Variants in PHLDB2 observed in about 807,000 individuals in gnomAD.
PHLDB2 encodes pleckstrin homology-like domain family B member 2.
Under a neutral mutation model 123.6 loss-of-function variants are expected in PHLDB2, and 71 were observed. The observed-to-expected ratio is 0.57, with a 90% CI of 0.47 to 0.70. PHLDB2 has a LOEUF of 0.70. PHLDB2 is among the 30% of genes least tolerant of loss of function. The pLI is 0.00. For synonymous variants in PHLDB2, 547 were observed against 541.6 expected (o/e 1.01, Z -0.14); for missense variants, 1,446 against 1,519.5 (o/e 0.95, Z 0.80).
At chr3:111,861,651 A>G (rs1218213539) in intron 1 of PHLDB2, among the ~76,000 whole-genome samples, 2 of 152,126 alleles carry the variant, frequency 1.3e-5, no homozygotes, top group African/African-American at 2.4e-5. Context: ...TCCCTGTTTG[A>G]AAAGGGGAGG....
At chr3:111,896,570 G>A (rs1269953661) in intron 2 of PHLDB2, among the ~76,000 whole-genome samples, 1 of 151,970 alleles carries the variant, frequency 6.6e-6, no homozygotes, top group East Asian at 1.9e-4. Context: ...AGGCTGGTCT[G>A]GAACTCCTGA....
chr3:111,922,123 T>A (rs1373645420), intron 5 of PHLDB2, among the ~76,000 whole-genome samples: 1 of 152,246 alleles, frequency 6.6e-6, no homozygotes, highest in Non-Finnish European at 1.5e-5. Flanking sequence ...TAGAGTAGTT[T>A]TATTGCTATG....
intron 14 of PHLDB2, 113 bp from the exon 15 acceptor site, chr3:111,967,565 C>A: frequency 8.9e-7 from 1 of 1,117,720 alleles, no homozygotes; most frequent in Non-Finnish European, 1.2e-6. Flanking sequence ...TTATAAGAGA[C>A]TAGTCTACAA....
At chr3:111,814,751 G>C (rs1223252518) in intron 1 of PHLDB2, among the ~76,000 whole-genome samples, 3 of 152,000 alleles carry the variant, frequency 2.0e-5, no homozygotes, top group Admixed American at 1.3e-4. Flanking sequence ...AAGCAAAATG[G>C]GGAGCTTACA....
chr3:111,781,020 T>A (rs1407043656), intron 1 of PHLDB2, among the ~76,000 whole-genome samples: 1 of 152,084 alleles, frequency 6.6e-6, no homozygotes, highest in Non-Finnish European at 1.5e-5. Flanking sequence ...TCATCCATTA[T>A]GTTTGTGTAG....
intron 1 of PHLDB2, among the ~76,000 whole-genome samples, chr3:111,742,314 T>C (rs2059616538): frequency 6.6e-6 from 1 of 152,118 alleles, no homozygotes; most frequent in Non-Finnish European, 1.5e-5. Context: ...TTTATATATA[T>C]ATATTTTTTA....
intron 5 of PHLDB2, among the ~76,000 whole-genome samples, chr3:111,922,546 G>A (rs4234408): frequency 0.49 from 75,174 of 151,942 alleles, 19,174 homozygotes; most frequent in Non-Finnish European, 0.54. Context: ...TTAGAAGGTA[G>A]GATTATTCTC....
chr3:111,944,010 C>T (rs146926633), intron 8 of PHLDB2, among the ~76,000 whole-genome samples: 1 of 152,014 alleles, frequency 6.6e-6, no homozygotes, highest in East Asian at 1.9e-4. Flanking sequence ...CATGGATAAG[C>T]AAATTGTTAG....
At chr3:111,790,323 G>A (rs964081125) in intron 1 of PHLDB2, among the ~76,000 whole-genome samples, 2 of 152,140 alleles carry the variant, frequency 1.3e-5, no homozygotes, top group Non-Finnish European at 2.9e-5. Flanking sequence ...GAAGTTCATT[G>A]TGTCTCCTTT....
Position 111,975,956 on chromosome 3 carries a change from A to G in PHLDB2, c.*1393A>G, listed in dbSNP as rs1014827193. The G allele has an allele frequency of 2.0e-5, 3 of 152,694 alleles. No individual in the cohort carries two copies. The highest frequency in any genetic ancestry group is 1.5e-5 in the Non-Finnish European group (1 of 68,038). The allele number at this position is 152,694 out of a possible 1,614,324, so 9.5% of individuals were successfully genotyped here. ...ACACGTATACGTGTTATCAATAATA[A>G]GATTTTGCAACTGGATGACACAAGA... On this transcript the variant is annotated 3_prime_UTR_variant, in exon 18 of 18. Transcript: ENST00000431670.
At chr3:111,798,294 A>G (rs555237279) in intron 1 of PHLDB2, among the ~76,000 whole-genome samples, 102 of 152,342 alleles carry the variant, frequency 6.7e-4, no homozygotes, top group Non-Finnish European at 1.1e-3. Context: ...AGAGTGCTCT[A>G]ATTTTTCAAA....
Position 111,893,877 on chromosome 3 carries a change from C to CT in PHLDB2, c.1335+8479dup, listed in dbSNP as rs67860610. Among the ~76,000 whole-genome samples the CT allele has an allele frequency of 8.1e-4, 110 of 135,654 alleles. 3 individuals are homozygous for CT. Among genetic ancestry groups the CT allele is most frequent in the Middle Eastern group, 7.5e-3 (2 of 268 alleles). 89.0% of individuals were successfully genotyped at this position (135,654 alleles called of 152,430 possible). ...ATTCTCTAAGTAAACAGCACTATTT[C>CT]TTTTTTTTTTTTTTGGATTTATTTT... On this transcript the variant is annotated intron_variant, in intron 2 of 17. Coordinates refer to ENST00000431670, the MANE Select transcript of PHLDB2 (RefSeq NM_001134438.2).
At chr3:111,909,795 A>G (rs956419419) in intron 2 of PHLDB2, among the ~76,000 whole-genome samples, 42 of 152,126 alleles carry the variant, frequency 2.8e-4, no homozygotes, top group African/African-American at 1.0e-3. Context: ...AAAAAATCCC[A>G]TTTCAACTAA....
intron 1 of PHLDB2, among the ~76,000 whole-genome samples, chr3:111,799,907 C>A (rs2061317735): frequency 6.6e-6 from 1 of 152,078 alleles, no homozygotes; most frequent in African/African-American, 2.4e-5. Context: ...AAGTAAAAGG[C>A]AAGGAAAATA....
intron 1 of PHLDB2, among the ~76,000 whole-genome samples, chr3:111,832,775 A>G: frequency 4.0e-5 from 1 of 25,064 alleles, no homozygotes; most frequent in Non-Finnish European, 5.7e-5. Context: ...AATATATATA[A>G]TAGAATTATA....
At chr3:111,918,322 T>C (rs1440871327) in intron 3 of PHLDB2, among the ~76,000 whole-genome samples, 1 of 152,206 alleles carries the variant, frequency 6.6e-6, no homozygotes. Flanking sequence ...AGTTTTTCCA[T>C]GAAATAATTT....
At position 111,884,825 on chromosome 3, in the gene PHLDB2, G is replaced by A; in HGVS notation, c.748G>A (p.Gly250Arg). 2.5e-6 allele frequency: 4 copies of A among 1,614,056 alleles called. No individual in the cohort carries two copies. The highest frequency in any genetic ancestry group is 2.5e-6 in the Non-Finnish European group (3 of 1,180,006). The change falls in exon 2 of 18, where the codon GGA (glycine) becomes AGA (arginine). Residue 250 changes from glycine to arginine, a missense_variant. Coordinates refer to ENST00000431670, the MANE Select transcript of PHLDB2 (RefSeq NM_001134438.2). ...KYSSSSLSHM[G>R]AYSRSLPRLY... ...CTCCAGCAGCAGCCTGAGTCACATG[G>A]GAGCCTACAGCCGATCACTTCCCAG...
rs2060071235 is a variant in PHLDB2, at chr3:111,765,892, A to G, written c.-49+33189A>G. ...TGTTGCCATTTCTTCTTTTATATGCACACACACACACATACACATACACAC... is the reference window on the plus strand; with the variant it reads ...TGTTGCCATTTCTTCTTTTATATGCGCACACACACACATACACATACACAC... On this transcript the variant is annotated intron_variant, in intron 1 of 17. Coordinates refer to the PHLDB2 transcript ENST00000393923. 3.6e-5 allele frequency among the ~76,000 whole-genome samples: 4 copies of G among 111,084 alleles called. 1 individual carries two copies. In the South Asian group the frequency reaches 8.0e-4, roughly 22 times the overall value. The allele number at this position is 111,084 out of a possible 152,430, so 72.9% of individuals were successfully genotyped here. A position where few individuals can be genotyped will look rare whatever the true frequency, so the allele number is the denominator to read the frequency against.
intron 1 of PHLDB2, among the ~76,000 whole-genome samples, chr3:111,827,157 T>A (rs1276644000): frequency 6.6e-6 from 1 of 152,222 alleles, no homozygotes; most frequent in Non-Finnish European, 1.5e-5. Flanking sequence ...CTGTTCAAAT[T>A]GATCCTCCAA....
Sources: allele counts gnomAD v4.1 joint callset (sites outside exome capture counted in the v4.1 genomes callset), GRCh38; gene constraint gnomAD v4.1.1; transcripts MANE v1.5; gene names NCBI Gene and HGNC (gene_info 2026-07-23, HGNC 2026-07-21).